PARD3B: variants seen among roughly 807,000 people sequenced by gnomAD.
The protein encoded by PARD3B is partitioning defective 3 homolog B.
In PARD3B, 103 loss-of-function variants were observed where a neutral mutation model predicts 130.2. That is an observed-to-expected ratio of 0.79 (90% CI 0.67 to 0.93). PARD3B has a LOEUF of 0.93. Among genes scored for constraint, PARD3B ranks in the 40% least tolerant of loss-of-function variants. The probability of loss-of-function intolerance (pLI) is 0.00; values close to 1 mark genes in which losing one functional copy is unlikely to be tolerated. For missense variants in PARD3B, 1,609 were observed against 1,499.2 expected (o/e 1.07, Z -1.21); for synonymous variants, 583 against 553.2 (o/e 1.05, Z -0.76).
At position 205,125,500 on chromosome 2, in the gene PARD3B, C is replaced by G; in HGVS notation, c.1306-109C>G. On this transcript the variant is annotated intron_variant, in intron 9 of 22. Coordinates refer to ENST00000406610, the MANE Select transcript of PARD3B (RefSeq NM_001302769.2). The surrounding 1 kb of genome is among the most constrained non-coding windows in gnomAD (Gnocchi z 4.0). ...GTATTTAGTTATCATCTTTTCAGAG[C>G]TTCCTCAAGTATGGGAGCCCATTTG... The G allele has an allele frequency of 8.0e-7, 1 of 1,254,026 alleles. No individual in the cohort carries two copies. The highest frequency in any genetic ancestry group is 1.5e-5 in the African/African-American group (1 of 66,776). The allele number at this position is 1,254,026 out of a possible 1,614,324, so 77.7% of individuals were successfully genotyped here. A position where few individuals can be genotyped will look rare whatever the true frequency, so the allele number is the denominator to read the frequency against.
intron 2 of PARD3B, among the ~76,000 whole-genome samples, chr2:204,962,607 G>A (rs73984456): frequency 0.02 from 3,095 of 152,192 alleles, 103 homozygotes; most frequent in African/African-American, 0.071. Flanking sequence ...ACTGTCTTCT[G>A]GGGAGTCTGC....
At chr2:204,692,297 G>T (rs1024380105) in intron 2 of PARD3B, among the ~76,000 whole-genome samples, 1 of 152,026 alleles carries the variant, frequency 6.6e-6, no homozygotes, top group African/African-American at 2.4e-5. Context: ...TCTAGTAAGG[G>T]CTAAAGGAAA....
chr2:205,116,109 C>A lies in PARD3B; in HGVS notation c.680+2532C>A, dbSNP rs1704005429. On this transcript the variant is annotated intron_variant, in intron 6 of 22. Transcript: ENST00000406610. The surrounding 1 kb of genome is among the most constrained non-coding windows in gnomAD (Gnocchi z 4.5). Reference sequence around the variant, plus strand: ...GCTGAATGCTGCTTGTATTGAGGGCCATTGGCTTTCCCAGTAAAAACAAAG... The same window carrying A: ...GCTGAATGCTGCTTGTATTGAGGGCAATTGGCTTTCCCAGTAAAAACAAAG... Among the ~76,000 whole-genome samples, 1 of 151,956 alleles carries A rather than the reference C, an allele frequency of 6.6e-6. No homozygotes were observed. The highest frequency in any genetic ancestry group is 2.1e-4 in the South Asian group (1 of 4,820).
rs1335186565 is a variant in PARD3B at position 204,578,451 on chromosome 2, GTATA to G, written c.120+32340_120+32343del. The stretch of plus-strand genomic sequence containing the variant: ...GCATCGGTGTGGTGAATACTTCTTT[GTATA>G]TATATATTTTTTGTGTGTGTTGTAC... On this transcript the variant is annotated intron_variant, in intron 1 of 22. Transcript: ENST00000406610. Among the ~76,000 whole-genome samples, 3 of 152,034 alleles carry G rather than the reference GTATA, an allele frequency of 2.0e-5. No individual in the cohort carries two copies. The East Asian group carries it at 5.8e-4, about 29-fold the overall frequency.
intron 11 of PARD3B, among the ~76,000 whole-genome samples, chr2:205,164,968 T>C (rs1196547742): frequency 6.6e-6 from 1 of 152,096 alleles, no homozygotes; most frequent in Non-Finnish European, 1.5e-5. Context: ...GTTGTACCCA[T>C]TTTTATAGTG....
chr2:204,803,415 T>C (rs1454600097), intron 2 of PARD3B, among the ~76,000 whole-genome samples: 3 of 152,098 alleles, frequency 2.0e-5, no homozygotes, highest in Non-Finnish European at 4.4e-5. Flanking sequence ...TTATGATGCA[T>C]GAACTCATAT....
chr2:205,443,252 G>A (rs980593261), intron 20 of PARD3B, among the ~76,000 whole-genome samples: 24 of 152,292 alleles, frequency 1.6e-4, no homozygotes, highest in African/African-American at 4.6e-4. Flanking sequence ...AATAGTATCC[G>A]TAAGCAGGAA....
At chr2:205,217,539 A>G (rs987553159) in intron 15 of PARD3B, among the ~76,000 whole-genome samples, 5 of 152,060 alleles carry the variant, frequency 3.3e-5, no homozygotes, top group Admixed American at 3.3e-4. Context: ...CTAGTGAAGG[A>G]ACAAGATGCA....
chr2:204,735,944 C>A (rs965210424), intron 2 of PARD3B, among the ~76,000 whole-genome samples: 1 of 152,106 alleles, frequency 6.6e-6, no homozygotes, highest in Non-Finnish European at 1.5e-5. Context: ...TTTCTACGTG[C>A]TTAAAATGTT....
rs573979300 is a variant in PARD3B at position 205,402,784 on chromosome 2, T to C, written c.2741+1661T>C. Among the ~76,000 whole-genome samples, 16 of 152,336 alleles carry C rather than the reference T, an allele frequency of 1.1e-4. 1 individual carries two copies. In the South Asian group the frequency reaches 3.3e-3, roughly 32 times the overall value. On this transcript the variant is annotated intron_variant, in intron 19 of 22. Coordinates refer to ENST00000406610, the MANE Select transcript of PARD3B (RefSeq NM_001302769.2). ...AAAGAACTATACTATTAGCCTCCAC[T>C]TAGGCCACTTCCCACACATGAACAC...
chr2:205,446,635 GAA>G lies in PARD3B; in HGVS notation c.3044+5972_3044+5973del, dbSNP rs66766048. On this transcript the variant is annotated intron_variant, in intron 20 of 22. Transcript: ENST00000406610. The surrounding 1 kb of genome is among the most constrained non-coding windows in gnomAD (Gnocchi z 4.4). ...GGCCCTGAACCTTCAGTCCATCTTA[GAA>G]AAAAAAAATTGCCTTATAAAAGATT... 2.0e-4 allele frequency among the ~76,000 whole-genome samples: 30 copies of G among 149,598 alleles called. No individual in the cohort carries two copies. The highest frequency in any genetic ancestry group is 6.1e-4 in the African/African-American group (25 of 41,052).
intron 2 of PARD3B, among the ~76,000 whole-genome samples, chr2:204,791,433 T>G (rs1299953819): frequency 6.6e-6 from 1 of 152,202 alleles, no homozygotes; most frequent in Non-Finnish European, 1.5e-5. Flanking sequence ...GGTGCAGTAG[T>G]AAGGAAACAT....
intron 19 of PARD3B, among the ~76,000 whole-genome samples, chr2:205,437,377 C>G (rs1467185552): frequency 1.1e-4 from 17 of 152,076 alleles, no homozygotes; most frequent in Admixed American, 5.2e-4. Flanking sequence ...ATTCCAGAGC[C>G]TTTTAAGGTA....
intron 2 of PARD3B, among the ~76,000 whole-genome samples, chr2:204,804,442 G>T (rs545160022): frequency 6.6e-6 from 1 of 152,196 alleles, no homozygotes; most frequent in Non-Finnish European, 1.5e-5. Flanking sequence ...TCAGCAAGAG[G>T]ATATCACAGT....
chr2:205,453,812 G>A (rs969677960), intron 20 of PARD3B, among the ~76,000 whole-genome samples: 2 of 152,132 alleles, frequency 1.3e-5, no homozygotes, highest in African/African-American at 2.4e-5. Flanking sequence ...TATTTTTGTT[G>A]CAGTTGTACA....
rs186492107 is a variant in PARD3B, at chr2:205,091,047, G to T, written c.505-13379G>T. Among the ~76,000 whole-genome samples the T allele has an allele frequency of 1.3e-5, 2 of 152,280 alleles. No individual in the cohort carries two copies. Among genetic ancestry groups the T allele is most frequent in the East Asian group, 3.9e-4 (2 of 5,180 alleles). ...TGGATTAAATCATCACTGTCTAATAGAAGCAGTTATAAATATGTAAATTAA... is the reference window on the plus strand; with the variant it reads ...TGGATTAAATCATCACTGTCTAATATAAGCAGTTATAAATATGTAAATTAA... On this transcript the variant is annotated intron_variant, in intron 4 of 22. Transcript: ENST00000406610. This position sits in a 1 kb window ranked among gnomAD's most constrained non-coding sequence, Gnocchi z 4.2.
chr2:204,652,673 A>C (rs1156664100), intron 1 of PARD3B, among the ~76,000 whole-genome samples: 2 of 152,184 alleles, frequency 1.3e-5, no homozygotes, highest in East Asian at 3.9e-4. Context: ...CACTAATACC[A>C]ATTTTCTATA....
chr2:205,395,428 T>C (rs2045992367), intron 18 of PARD3B, among the ~76,000 whole-genome samples: 1 of 152,142 alleles, frequency 6.6e-6, no homozygotes, highest in Non-Finnish European at 1.5e-5. Flanking sequence ...AACCACATTC[T>C]CTTGACTTTC....
chr2:205,179,164 C>G (rs1278377018), intron 13 of PARD3B, among the ~76,000 whole-genome samples: 1 of 151,960 alleles, frequency 6.6e-6, no homozygotes, highest in Non-Finnish European at 1.5e-5. Context: ...ATAGAAAAAG[C>G]TTATAGAATA....
Sources: gnomAD v4.1 joint callset for allele counts (sites outside exome capture counted in the v4.1 genomes callset) on GRCh38, gnomAD v4.1.1 for gene constraint, Gnocchi (gnomAD v3.1) non-coding constraint, MANE v1.5 for transcripts, NCBI Gene and HGNC (gene_info 2026-07-23, HGNC 2026-07-21) for gene names.